Variants in FMNL2 observed in about 807,000 individuals in gnomAD.
FMNL2 encodes formin like 2.
In FMNL2, 51 loss-of-function variants were observed where a neutral mutation model predicts 130.2. The ratio of observed to expected loss-of-function variants is 0.39; its 90% CI spans 0.31 to 0.49. The LOEUF (loss-of-function observed/expected upper bound fraction) is 0.49, where lower values mean the gene tolerates loss of function less well. Among genes scored for constraint, FMNL2 ranks in the 20% least tolerant of loss-of-function variants. The pLI is 0.85. For missense variants in FMNL2, 977 were observed against 1,316.2 expected, an observed-to-expected ratio of 0.74 and a Z score of 3.99; for synonymous variants, 465 against 467.1, an observed-to-expected ratio of 1.00 and a Z score of 0.06.
chr2:152,594,944 T>C (rs923420926), intron 9 of FMNL2, among the ~76,000 whole-genome samples: 5 of 152,210 alleles, frequency 3.3e-5, no homozygotes, highest in African/African-American at 1.2e-4. Context: ...CAGTCACCCT[T>C]CATCTTGCAG....
chr2:152,519,720 A>T (rs1692975849), intron 1 of FMNL2, among the ~76,000 whole-genome samples: 1 of 152,242 alleles, frequency 6.6e-6, no homozygotes, highest in Admixed American at 6.5e-5. Context: ...TAAATGGAGA[A>T]GATTATGTCT....
chr2:152,372,635 C>G (rs1054633387), intron 1 of FMNL2, among the ~76,000 whole-genome samples: 1 of 152,182 alleles, frequency 6.6e-6, no homozygotes, highest in Non-Finnish European at 1.5e-5. Context: ...GTGCTTTAAC[C>G]TTGGCAGGGT....
intron 10 of FMNL2, among the ~76,000 whole-genome samples, chr2:152,611,210 C>A (rs1213641689): frequency 6.6e-6 from 1 of 151,980 alleles, no homozygotes; most frequent in Non-Finnish European, 1.5e-5. Context: ...GTGGTGGCAC[C>A]TGCCTGTAAT....
chr2:152,556,329 G>A (rs1695202000), intron 4 of FMNL2, among the ~76,000 whole-genome samples: 1 of 152,142 alleles, frequency 6.6e-6, no homozygotes, highest in Admixed American at 6.5e-5. Flanking sequence ...GGATCTTGTA[G>A]CTTTGAAAAA....
intron 1 of FMNL2, among the ~76,000 whole-genome samples, chr2:152,376,545 C>T (rs16831013): frequency 0.24 from 37,229 of 152,062 alleles, 5,577 homozygotes; most frequent in East Asian, 0.73. Flanking sequence ...AGGGATGTCT[C>T]AGGAATGTGA....
chr2:152,583,947 C>T (rs1696925032), intron 9 of FMNL2, among the ~76,000 whole-genome samples: 1 of 152,200 alleles, frequency 6.6e-6, no homozygotes, highest in African/African-American at 2.4e-5. Context: ...AAGGTAGCAA[C>T]ATGCCCCCGA....
chr2:152,358,375 C>T lies in FMNL2; in HGVS notation c.117+22655C>T, dbSNP rs189209919. Among the ~76,000 whole-genome samples, 3 of 152,178 alleles carry T rather than the reference C, an allele frequency of 2.0e-5. No homozygotes were observed. In the East Asian group the frequency reaches 5.8e-4, roughly 29 times the overall value. ...AGTCAATTCTGCTAATAAGGCCAGG[C>T]GTGGTGGCTCACACCTGTAATCCCA... On this transcript the variant is annotated intron_variant, in intron 1 of 25. Transcript: ENST00000288670.
At chr2:152,580,633 G>A (rs567068773) in intron 8 of FMNL2, among the ~76,000 whole-genome samples, 8 of 151,956 alleles carry the variant, frequency 5.3e-5, no homozygotes, top group South Asian at 2.1e-4. Flanking sequence ...TGTTTTTAGC[G>A]TACCAGTAAA....
chr2:152,503,124 G>A (rs1339349022), intron 1 of FMNL2, among the ~76,000 whole-genome samples: 2 of 152,202 alleles, frequency 1.3e-5, no homozygotes, highest in African/African-American at 4.8e-5. Flanking sequence ...TGGTAAGGCA[G>A]ACTTTATTTA....
chr2:152,493,136 A>G (rs1424996563), intron 1 of FMNL2, among the ~76,000 whole-genome samples: 1 of 152,220 alleles, frequency 6.6e-6, no homozygotes, highest in African/African-American at 2.4e-5. Context: ...TCTAGGTGGT[A>G]TGGGGCAGCC....
chr2:152,573,270 T>C (rs1182904404), intron 6 of FMNL2, among the ~76,000 whole-genome samples: 1 of 152,182 alleles, frequency 6.6e-6, no homozygotes, highest in East Asian at 1.9e-4. Flanking sequence ...TTATTCAGGG[T>C]GAGAAATGAC....
At chr2:152,410,587 C>G (rs1357908990) in intron 1 of FMNL2, among the ~76,000 whole-genome samples, 1 of 152,208 alleles carries the variant, frequency 6.6e-6, no homozygotes, top group East Asian at 1.9e-4. Flanking sequence ...GGAATGCTAG[C>G]TAAATCTTGA....
intron 1 of FMNL2, among the ~76,000 whole-genome samples, chr2:152,411,173 C>G (rs1686266054): frequency 1.3e-5 from 2 of 152,020 alleles, no homozygotes; most frequent in African/African-American, 4.8e-5. Flanking sequence ...ATATGCTGTC[C>G]TGAGAGAATT....
chr2:152,599,405 CTTTTTTTT>C (rs35753197), intron 9 of FMNL2, among the ~76,000 whole-genome samples: 80 of 45,068 alleles, frequency 1.8e-3, no homozygotes, highest in African/African-American at 4.1e-3. Flanking sequence ...TGAAGGTCAT[CTTTTTTTT>C]TTTTTTTTTT....
chr2:152,358,335 C>A (rs577823340), intron 1 of FMNL2, among the ~76,000 whole-genome samples: 1 of 152,200 alleles, frequency 6.6e-6, no homozygotes, highest in African/African-American at 2.4e-5. Context: ...TTGGACTTCA[C>A]CTTGTGATCC....
intron 1 of FMNL2, among the ~76,000 whole-genome samples, chr2:152,440,074 C>A (rs765662885): frequency 6.6e-6 from 1 of 151,896 alleles, no homozygotes; most frequent in Non-Finnish European, 1.5e-5. Context: ...TTTGGATCAG[C>A]CTGCCTTAAC....
chr2:152,359,824 G>A (rs769919329), intron 1 of FMNL2, among the ~76,000 whole-genome samples: 1 of 152,042 alleles, frequency 6.6e-6, no homozygotes, highest in Non-Finnish European at 1.5e-5. Context: ...ACTTTTTGAG[G>A]GCTTTTACTG....
intron 1 of FMNL2, among the ~76,000 whole-genome samples, chr2:152,362,704 A>G (rs1003573912): frequency 6.6e-6 from 1 of 152,068 alleles, no homozygotes; most frequent in Non-Finnish European, 1.5e-5. Context: ...AGCTGATTCT[A>G]TTTTGACTTA....
intron 11 of FMNL2, among the ~76,000 whole-genome samples, chr2:152,613,102 A>G (rs1343570613): frequency 6.6e-6 from 1 of 152,232 alleles, no homozygotes; most frequent in Non-Finnish European, 1.5e-5. Context: ...AAGACTACTC[A>G]GGGAGAGGCG....
Sources: gnomAD v4.1 joint callset for allele counts (sites outside exome capture counted in the v4.1 genomes callset) on GRCh38, gnomAD v4.1.1 for gene constraint, MANE v1.5 for transcripts, NCBI Gene and HGNC (gene_info 2026-07-23, HGNC 2026-07-21) for gene names.